Variants in CNTN6 observed in about 807,000 individuals in gnomAD.
The protein encoded by CNTN6 is contactin-6.
In CNTN6, 137 loss-of-function variants were observed where a neutral mutation model predicts 122.8. The observed-to-expected ratio is 1.12, with a 90% CI of 0.97 to 1.29. CNTN6 has a LOEUF of 1.29. Ranked by LOEUF, CNTN6 falls within the 50% of genes most tolerant of loss-of-function variation. The pLI is 0.00. For synonymous variants in CNTN6, 570 were observed against 426.0 expected (o/e 1.34, Z -4.16); for missense variants, 1,634 against 1,223.4 (o/e 1.34, Z -5.01).
At chr3:1,391,001 C>T (rs1372825620) in intron 20 of CNTN6, among the ~76,000 whole-genome samples, 5 of 133,122 alleles carry the variant, frequency 3.8e-5, no homozygotes, top group Admixed American at 7.8e-5. Context: ...ACCATTCCTT[C>T]TGAAACTATT....
chr3:1,182,646 C>T (rs1330558951), intron 2 of CNTN6, among the ~76,000 whole-genome samples: 1 of 151,176 alleles, frequency 6.6e-6, no homozygotes, highest in Non-Finnish European at 1.5e-5. Flanking sequence ...AACTCATATA[C>T]AAAGTACGCC....
chr3:1,366,051 TGAAAG>T (rs1279038049), intron 12 of CNTN6, among the ~76,000 whole-genome samples: 13 of 152,264 alleles, frequency 8.5e-5, no homozygotes, highest in African/African-American at 2.2e-4. Flanking sequence ...AGAAGCCTGA[TGAAAG>T]GACGTATTCA....
At chr3:1,321,296 T>C (rs1320758917) in intron 7 of CNTN6, among the ~76,000 whole-genome samples, 13 of 151,900 alleles carry the variant, frequency 8.6e-5, no homozygotes, top group African/African-American at 3.1e-4. Context: ...CTGCACTCTA[T>C]TTCTTTTGTT....
intron 4 of CNTN6, among the ~76,000 whole-genome samples, chr3:1,272,980 C>G (rs568371979): frequency 6.6e-5 from 10 of 152,158 alleles, no homozygotes; most frequent in Admixed American, 5.9e-4. Flanking sequence ...GCATATGGCC[C>G]AGTAATTCTT....
intron 4 of CNTN6, among the ~76,000 whole-genome samples, chr3:1,265,954 A>G (rs2094919478): frequency 6.6e-6 from 1 of 152,312 alleles, no homozygotes. Context: ...CTAGAAAGCC[A>G]GTGTCATTCA....
At chr3:1,257,024 A>C (rs935309639) in intron 4 of CNTN6, among the ~76,000 whole-genome samples, 1 of 152,196 alleles carries the variant, frequency 6.6e-6, no homozygotes, top group South Asian at 2.1e-4. Flanking sequence ...ATGCTATTAC[A>C]TCAATCCCTC....
chr3:1,322,350 T>C (rs1282533822), intron 8 of CNTN6, among the ~76,000 whole-genome samples: 2 of 151,758 alleles, frequency 1.3e-5, no homozygotes, highest in Admixed American at 6.6e-5. Context: ...CAAAAATCTC[T>C]CGTAAACTTA....
chr3:1,143,069 C>T (rs2092650222), intron 1 of CNTN6, among the ~76,000 whole-genome samples: 1 of 148,256 alleles, frequency 6.7e-6, no homozygotes, highest in Non-Finnish European at 1.5e-5. Context: ...AAAAATACAT[C>T]AATATTTATA....
chr3:1,167,699 TAC>T (rs1455148575), intron 2 of CNTN6, among the ~76,000 whole-genome samples: 3 of 152,220 alleles, frequency 2.0e-5, no homozygotes, highest in Admixed American at 6.5e-5. Flanking sequence ...TGCCCCAAGG[TAC>T]AGAGTGAGCC....
Position 1,372,306 on chromosome 3 carries a change from T to C in CNTN6, c.1500T>C (p.Thr500=), listed in dbSNP as rs754917667. The change falls in exon 13 of 23, where the codon ACT becomes ACC. Residue 500 remains threonine (T), a synonymous_variant. Coordinates refer to ENST00000446702, the MANE Select transcript of CNTN6 (RefSeq NM_001289080.2). ...NTGSLIVKER[T]VITVPPSKMD... is the part of the protein sequence containing the mutation. ...AATTTTTTTTCTCAACAGAGAGAAC[T>C]GTCATTACCGTCCCACCTTCCAAAA... 5.0e-6 allele frequency: 8 copies of C among 1,600,536 alleles called. No homozygotes were observed. In the Admixed American group the frequency reaches 1.4e-4, roughly 28 times the overall value.
intron 19 of CNTN6, 24 bp from the exon 20 acceptor site, chr3:1,385,587 C>T: frequency 1.2e-5 from 18 of 1,556,832 alleles, no homozygotes; most frequent in Non-Finnish European, 1.4e-5. Context: ...CAATAAATTG[C>T]TTGTTTTGGT....
chr3:1,101,657 A>G (rs2124958750), intron 1 of CNTN6, among the ~76,000 whole-genome samples: 1 of 152,334 alleles, frequency 6.6e-6, no homozygotes, highest in South Asian at 2.1e-4. Context: ...CAGGTATATA[A>G]TCTAATAAGA....
chr3:1,209,607 A>G (rs1433467153), intron 2 of CNTN6, among the ~76,000 whole-genome samples: 1 of 152,188 alleles, frequency 6.6e-6, no homozygotes, highest in Non-Finnish European at 1.5e-5. Flanking sequence ...ATTATTATCA[A>G]ATGATTATTA....
chr3:1,147,671 A>G lies in CNTN6; in HGVS notation c.-82-256A>G, dbSNP rs150031504. ...TTTCTTGCAGAAATTTTGCAGCACA[A>G]TATTAATTTTTCTCTTGTGATATTA... On this transcript the variant is annotated intron_variant, in intron 1 of 22. Coordinates refer to ENST00000446702, the MANE Select transcript of CNTN6 (RefSeq NM_001289080.2). Among the ~76,000 whole-genome samples, 3 of 152,210 alleles carry G rather than the reference A, an allele frequency of 2.0e-5. No homozygotes were observed. In the East Asian group the frequency reaches 5.8e-4, roughly 29 times the overall value.
intron 2 of CNTN6, among the ~76,000 whole-genome samples, chr3:1,163,355 G>T (rs1205227042): frequency 6.6e-6 from 1 of 152,170 alleles, no homozygotes; most frequent in Non-Finnish European, 1.5e-5. Flanking sequence ...TTATTAAACT[G>T]CAGTGTTATA....
intron 2 of CNTN6, among the ~76,000 whole-genome samples, chr3:1,197,549 G>C (rs1245617319): frequency 1.3e-5 from 2 of 152,140 alleles, no homozygotes; most frequent in African/African-American, 4.8e-5. Context: ...TAAGTAAATA[G>C]GAAAGCAGCA....
Position 1,326,023 on chromosome 3 carries a change from A to G in CNTN6, c.1083+72A>G, listed in dbSNP as rs1701496871. On this transcript the variant is annotated intron_variant, in intron 9 of 22. Transcript: ENST00000446702. ...AATTTTGTTACTAACAGTACTAGTA[A>G]CTAACAGAAACAGCTAATGTTAATG... 3.8e-6 allele frequency: 5 copies of G among 1,301,640 alleles called. No homozygotes were observed. In the Admixed American group the frequency reaches 1.1e-4, roughly 29 times the overall value. 80.6% of individuals were successfully genotyped at this position (1,301,640 alleles called of 1,614,324 possible). A position where few individuals can be genotyped will look rare whatever the true frequency, so the allele number is the denominator to read the frequency against.
chr3:1,383,374 G>C lies in CNTN6; in HGVS notation c.2483G>C (p.Trp828Ser). 6.2e-7 allele frequency: 1 copy of C among 1,613,910 alleles called. No homozygotes were observed. The highest frequency in any genetic ancestry group is 1.3e-5 in the African/African-American group (1 of 75,034). ...GAGGTTTCATGGAATGCTATTGCCT[G>C]GAATAGAAACACTGGAAGAGTGCTG... is the stretch of plus-strand genomic sequence containing the variant. ...EMEVSWNAIA[W>S]NRNTGRVLGY... is the part of the protein sequence containing the mutation. The change falls in exon 19 of 23, where the codon TGG (tryptophan) becomes TCG (serine). Residue 828 changes from tryptophan to serine, a missense_variant. By Grantham distance (177) the Trp-to-Ser change is radical. Coordinates refer to ENST00000446702, the MANE Select transcript of CNTN6 (RefSeq NM_001289080.2).
In CNTN6 at chr3:1,134,908, T is replaced by C. The variant is rs559684175; in HGVS notation, c.-82-13019T>C. Among the ~76,000 whole-genome samples, 38 of 152,170 alleles carry C rather than the reference T, an allele frequency of 2.5e-4. No homozygotes were observed. The East Asian group carries it at 6.8e-3, about 27-fold the overall frequency. On this transcript the variant is annotated intron_variant, in intron 1 of 22. Coordinates refer to ENST00000446702, the MANE Select transcript of CNTN6 (RefSeq NM_001289080.2). Reference sequence around the variant, plus strand: ...GGAAAAATCTTAGATAATATTTTAGTCCCCTGCCCTTGGAGAAATGTATCA... The same window carrying C: ...GGAAAAATCTTAGATAATATTTTAGCCCCCTGCCCTTGGAGAAATGTATCA...
Sources: allele counts gnomAD v4.1 joint callset (sites outside exome capture counted in the v4.1 genomes callset), GRCh38; gene constraint gnomAD v4.1.1; transcripts MANE v1.5; gene names NCBI Gene and HGNC (gene_info 2026-07-23, HGNC 2026-07-21).